The following SASH1 variants were observed in gnomAD, a reference collection of about 807,000 sequenced individuals.
SASH1 encodes the protein SAM and SH3 domain-containing protein 1.
A neutral mutation model predicts 125.2 loss-of-function variants in SASH1; 44 were observed. The ratio of observed to expected loss-of-function variants is 0.35; its 90% CI spans 0.28 to 0.45. The LOEUF (loss-of-function observed/expected upper bound fraction) is 0.45, where lower values mean the gene tolerates loss of function less well. Ranked by LOEUF, SASH1 falls within the 20% of genes least tolerant of loss-of-function variation. The pLI is 1.00. For missense variants in SASH1, 1,426 were observed against 1,614.5 expected (o/e 0.88, Z 2.00); for synonymous variants, 639 against 649.1 (o/e 0.98, Z 0.24).
intron 1 of SASH1, among the ~76,000 whole-genome samples, chr6:148,315,174 G>T (rs1047993624): frequency 5.9e-5 from 9 of 152,186 alleles, no homozygotes; most frequent in Non-Finnish European, 1.2e-4. Context: ...TAACAACCAT[G>T]ATCATATATT....
intron 8 of SASH1, among the ~76,000 whole-genome samples, chr6:148,507,738 A>G (rs1264878194): frequency 6.6e-6 from 1 of 152,206 alleles, no homozygotes; most frequent in Non-Finnish European, 1.5e-5. Flanking sequence ...GTTCCTACGC[A>G]TCCCTGAGTC....
intron 4 of SASH1, among the ~76,000 whole-genome samples, chr6:148,453,595 C>T (rs1050610011): frequency 1.3e-5 from 2 of 152,140 alleles, no homozygotes; most frequent in Non-Finnish European, 2.9e-5. Context: ...CACCCAACTA[C>T]AGGTACAATC....
the SASH1 span, among the ~76,000 whole-genome samples, chr6:148,258,170 T>C: frequency 1.3e-5 from 2 of 152,210 alleles, no homozygotes; most frequent in East Asian, 3.9e-4. Flanking sequence ...CCTCCTACCT[T>C]AGGCTCCCGA....
intron 8 of SASH1, among the ~76,000 whole-genome samples, chr6:148,510,403 C>T (rs942659503): frequency 2.6e-5 from 4 of 152,068 alleles, no homozygotes; most frequent in Non-Finnish European, 5.9e-5. Flanking sequence ...AACTCTGACC[C>T]AGGGTGGGAC....
Position 148,322,912 on chromosome 6 carries a change from T to TTCTCTC in SASH1, n.74+50538_74+50539insCTCTCT, listed in dbSNP as rs1433006653. On this transcript the variant is annotated intron_variant and non_coding_transcript_variant, in intron 1 of 3. Coordinates refer to the SASH1 transcript ENST00000367469. ...TTCTTCTTTCTTTCTCTCTCTTTCT[T>TTCTCTC]TCTTTTTTCTTTCTCTCTTTCTTTT... Among the ~76,000 whole-genome samples the TTCTCTC allele has an allele frequency of 9.3e-3, 1,100 of 118,406 alleles. 64 individuals carry two copies. The highest frequency in any genetic ancestry group is 0.014 in the Non-Finnish European group (756 of 55,286). The allele number at this position is 118,406 out of a possible 152,430, so 77.7% of individuals were successfully genotyped here.
the SASH1 span, among the ~76,000 whole-genome samples, chr6:148,200,868 G>A: frequency 1.3e-5 from 2 of 152,190 alleles, no homozygotes; most frequent in African/African-American, 2.4e-5. Context: ...TACTCCACCC[G>A]TGTCCTCCTC....
At chr6:148,464,992 AAATTATTC>A (rs1477065405) in intron 4 of SASH1, among the ~76,000 whole-genome samples, 1 of 152,176 alleles carries the variant, frequency 6.6e-6, no homozygotes, top group Non-Finnish European at 1.5e-5. Flanking sequence ...CCGGAGGATA[AAATTATTC>A]AAAGTGTGTG....
intron 2 of SASH1, among the ~76,000 whole-genome samples, chr6:148,418,126 T>C (rs1455601129): frequency 6.6e-6 from 1 of 152,182 alleles, no homozygotes; most frequent in Non-Finnish European, 1.5e-5. Context: ...GCTCCAAAGG[T>C]GTTTGACATT....
chr6:148,498,784 G>A (rs1220627999), intron 8 of SASH1, among the ~76,000 whole-genome samples: 4 of 152,176 alleles, frequency 2.6e-5, no homozygotes, highest in African/African-American at 9.7e-5. Context: ...CAACGCTGGG[G>A]AAGTTGGGGA....
At chr6:148,259,321 A>G in the SASH1 span, among the ~76,000 whole-genome samples, 1 of 152,208 alleles carries the variant, frequency 6.6e-6, no homozygotes, top group Non-Finnish European at 1.5e-5. Flanking sequence ...GCCAATGCCC[A>G]TGGTGTAAAC....
At chr6:148,359,012 G>A (rs1452423208) in intron 1 of SASH1, among the ~76,000 whole-genome samples, 4 of 151,952 alleles carry the variant, frequency 2.6e-5, no homozygotes, top group Non-Finnish European at 4.4e-5. Flanking sequence ...AGGGATTACA[G>A]GCGTGAGCCA....
intron 1 of SASH1, among the ~76,000 whole-genome samples, chr6:148,367,930 G>T (rs561536471): frequency 3.9e-5 from 6 of 152,094 alleles, no homozygotes; most frequent in Admixed American, 3.9e-4. Flanking sequence ...GGGGTCTACC[G>T]CAAGCCCAGC....
intron 2 of SASH1, among the ~76,000 whole-genome samples, chr6:148,413,491 A>G (rs548629917): frequency 3.3e-5 from 5 of 152,180 alleles, no homozygotes; most frequent in African/African-American, 1.2e-4. Context: ...AATGTGCGGG[A>G]AAGATCAGGA....
At chr6:148,284,644 A>G (rs1199572406) in intron 1 of SASH1, among the ~76,000 whole-genome samples, 1 of 152,222 alleles carries the variant, frequency 6.6e-6, no homozygotes, top group Non-Finnish European at 1.5e-5. Context: ...ATATTATCAA[A>G]TGAATTTCCT....
At chr6:148,275,980 C>G (rs1779172970) in intron 1 of SASH1, among the ~76,000 whole-genome samples, 1 of 152,198 alleles carries the variant, frequency 6.6e-6, no homozygotes, top group South Asian at 2.1e-4. Flanking sequence ...CTCAGCCTCC[C>G]AAAGTGTTGG....
At chr6:148,415,728 T>C (rs1784793515) in intron 2 of SASH1, among the ~76,000 whole-genome samples, 1 of 152,186 alleles carries the variant, frequency 6.6e-6, no homozygotes, top group Admixed American at 6.5e-5. Flanking sequence ...CGCAGAGCCA[T>C]CATGATATGG....
chr6:148,360,639 C>T (rs570651825), intron 1 of SASH1, among the ~76,000 whole-genome samples: 1 of 126,288 alleles, frequency 7.9e-6, no homozygotes, highest in Non-Finnish European at 1.8e-5. Context: ...GTGAGCCACC[C>T]CCCCGCCAGG....
At chr6:148,377,320 G>A (rs555872276) in intron 1 of SASH1, among the ~76,000 whole-genome samples, 2 of 151,876 alleles carry the variant, frequency 1.3e-5, no homozygotes, top group South Asian at 4.2e-4. Context: ...AGGATTTTCT[G>A]GATAAGCTCC....
the SASH1 span, among the ~76,000 whole-genome samples, chr6:148,227,619 A>G: frequency 6.6e-6 from 1 of 152,192 alleles, no homozygotes; most frequent in Non-Finnish European, 1.5e-5. Context: ...TGGCCTCCCA[A>G]AGTGCTGGGA....
Sources: allele counts gnomAD v4.1 joint callset (sites outside exome capture counted in the v4.1 genomes callset), GRCh38; gene constraint gnomAD v4.1.1; transcripts MANE v1.5; gene names NCBI Gene and HGNC (gene_info 2026-07-23, HGNC 2026-07-21).